MAPKAPK2: variants seen among roughly 807,000 people sequenced by gnomAD.
MAPKAPK2 encodes the protein MAP kinase-activated protein kinase 2.
In MAPKAPK2, 9 loss-of-function variants were observed where a neutral mutation model predicts 48.8. That is an observed-to-expected ratio of 0.18 (90% CI 0.11 to 0.32). The LOEUF is 0.32. Ranked by LOEUF, MAPKAPK2 falls within the 10% of genes least tolerant of loss-of-function variation. The pLI, the probability that MAPKAPK2 is intolerant of heterozygous loss-of-function variation, is 1.00. For synonymous variants in MAPKAPK2, 202 were observed against 190.6 expected (o/e 1.06, Z -0.49); for missense variants, 331 against 498.3 (o/e 0.66, Z 3.20).
rs1215968288 is a variant in MAPKAPK2, at chr1:206,732,337, TG to T, written c.1060-232del. On this transcript the variant is annotated intron_variant, in intron 9 of 9. Transcript: ENST00000367103. This position sits in a 1 kb window ranked among gnomAD's most constrained non-coding sequence, Gnocchi z 4.4. ...TCTTCCTCCTATCCTGCGGGATCAC[TG>T]GGGGGCTCTCAGGGAACAGCAGCAG... 2.1e-6 allele frequency: 3 copies of T among 1,443,394 alleles called. No individual in the cohort carries two copies. The highest frequency in any genetic ancestry group is 1.4e-5 in the African/African-American group (1 of 69,700). The allele number at this position is 1,443,394 out of a possible 1,614,324, so 89.4% of individuals were successfully genotyped here.
intron 1 of MAPKAPK2, among the ~76,000 whole-genome samples, chr1:206,687,093 G>A (rs1257360078): frequency 6.6e-6 from 1 of 152,184 alleles, no homozygotes; most frequent in African/African-American, 2.4e-5. Context: ...GTGACAGACG[G>A]TCTTTACAGG....
chr1:206,703,792 G>A (rs1453864946), intron 1 of MAPKAPK2, among the ~76,000 whole-genome samples: 1 of 152,224 alleles, frequency 6.6e-6, no homozygotes, highest in Non-Finnish European at 1.5e-5. Context: ...CCAGCCCCTT[G>A]AGGTACCCAG....
intron 1 of MAPKAPK2, among the ~76,000 whole-genome samples, chr1:206,717,911 T>C (rs1673385658): frequency 6.6e-6 from 1 of 152,126 alleles, no homozygotes; most frequent in Non-Finnish European, 1.5e-5. Flanking sequence ...TATTCCCCAG[T>C]AGTCAACACT....
At chr1:206,705,933 A>T (rs1210905547) in intron 1 of MAPKAPK2, among the ~76,000 whole-genome samples, 2 of 152,090 alleles carry the variant, frequency 1.3e-5, no homozygotes, top group Admixed American at 1.3e-4. Flanking sequence ...GGCTTAGGGA[A>T]TTCCCGGAGC....
At chr1:206,691,328 T>C (rs1553426205) in intron 1 of MAPKAPK2, among the ~76,000 whole-genome samples, 1 of 151,872 alleles carries the variant, frequency 6.6e-6, no homozygotes, top group East Asian at 1.9e-4. Flanking sequence ...GCTAGGATCT[T>C]TCCACATGGG....
chr1:206,728,937 C>A, intron 2 of MAPKAPK2, 88 bp downstream of exon 2: 1 of 1,611,784 alleles, frequency 6.2e-7, no homozygotes, highest in Non-Finnish European at 8.5e-7. Flanking sequence ...CAGGGATGGG[C>A]CTGAAGCCTG....
intron 1 of MAPKAPK2, among the ~76,000 whole-genome samples, chr1:206,723,284 T>C (rs1553431461): frequency 6.6e-6 from 1 of 152,106 alleles, no homozygotes; most frequent in African/African-American, 2.4e-5. Context: ...CCCCCCCCAG[T>C]GGGACTCCAA....
chr1:206,732,557 G>T lies in MAPKAPK2; in HGVS notation c.1060-18G>T. ...TCTGGCTCTCTCTGTACCCTTCCTG[G>T]TGCTGCCGTGCCCCCAGGAGGAGAT... On this transcript the variant is annotated intron_variant, in intron 9 of 9. Transcript: ENST00000367103. This position sits in a 1 kb window ranked among gnomAD's most constrained non-coding sequence, Gnocchi z 4.4. The T allele has an allele frequency of 6.2e-7, 1 of 1,613,236 alleles. No individual in the cohort carries two copies. The highest frequency in any genetic ancestry group is 8.5e-7 in the Non-Finnish European group (1 of 1,179,800).
At chr1:206,724,514 T>A (rs1419411224) in intron 1 of MAPKAPK2, among the ~76,000 whole-genome samples, 1 of 151,260 alleles carries the variant, frequency 6.6e-6, no homozygotes, top group Non-Finnish European at 1.5e-5. Context: ...GGATTTCTGA[T>A]AAACATGTGC....
intron 1 of MAPKAPK2, among the ~76,000 whole-genome samples, chr1:206,685,949 T>C (rs1672275398): frequency 6.6e-6 from 1 of 152,158 alleles, no homozygotes; most frequent in African/African-American, 2.4e-5. Context: ...TCGGTTGGTT[T>C]GGAGAAGTCG....
chr1:206,707,042 G>C (rs1322889163), intron 1 of MAPKAPK2, among the ~76,000 whole-genome samples: 3 of 152,120 alleles, frequency 2.0e-5, no homozygotes, highest in Non-Finnish European at 4.4e-5. Context: ...AGGAGGGAAC[G>C]GCACTGCAGC....
chr1:206,701,763 G>A (rs1276908272), intron 1 of MAPKAPK2, among the ~76,000 whole-genome samples: 10 of 149,220 alleles, frequency 6.7e-5, no homozygotes, highest in Admixed American at 5.5e-4. Context: ...GAGCCTGGGA[G>A]GCCAAGGCTG....
intron 1 of MAPKAPK2, among the ~76,000 whole-genome samples, chr1:206,719,231 C>G (rs1304127922): frequency 2.6e-5 from 4 of 152,156 alleles, no homozygotes; most frequent in Non-Finnish European, 5.9e-5. Context: ...GATTTTTAGG[C>G]CTCTTGACTT....
At position 206,732,777 on chromosome 1, in the gene MAPKAPK2, T is replaced by C. The variant is rs543569251; in HGVS notation, c.*59T>C. ...CAATAACTCTCTACAGGAATATATT[T>C]TTTAAACGAAGAGACAGAACTGTCC... On this transcript the variant is annotated 3_prime_UTR_variant, in exon 10 of 10. Coordinates refer to ENST00000367103, the MANE Select transcript of MAPKAPK2 (RefSeq NM_032960.4). The surrounding 1 kb of genome is among the most constrained non-coding windows in gnomAD (Gnocchi z 4.4). 6.3e-6 allele frequency: 10 copies of C among 1,588,614 alleles called. No homozygotes were observed. The East Asian group carries it at 2.0e-4, about 32-fold the overall frequency.
intron 1 of MAPKAPK2, among the ~76,000 whole-genome samples, chr1:206,701,623 C>T (rs1007791982): frequency 9.9e-5 from 15 of 151,932 alleles, no homozygotes; most frequent in African/African-American, 3.6e-4. Flanking sequence ...TGCTTGAGCC[C>T]AGGAGTTCGA....
intron 1 of MAPKAPK2, among the ~76,000 whole-genome samples, chr1:206,719,043 T>G (rs1013568967): frequency 6.6e-6 from 1 of 152,246 alleles, no homozygotes; most frequent in Non-Finnish European, 1.5e-5. Flanking sequence ...CTCTTTGAGC[T>G]ACACTGAGTG....
At position 206,694,590 on chromosome 1, in the gene MAPKAPK2, C is replaced by T. The variant is rs797038339; in HGVS notation, c.279+9082C>T. ...GTAGGATTCTAAAGGCCAGGCTTCA[C>T]GGGAGCTGGAGAAGGCTAGCTTCTC... On this transcript the variant is annotated intron_variant, in intron 1 of 9. Coordinates refer to ENST00000367103, the MANE Select transcript of MAPKAPK2 (RefSeq NM_032960.4). Among the ~76,000 whole-genome samples the T allele has an allele frequency of 7.2e-5, 11 of 152,314 alleles. 1 individual carries two copies. The highest frequency in any genetic ancestry group is 1.7e-4 in the African/African-American group (7 of 41,566).
At chr1:206,712,626 T>C (rs910224131) in intron 1 of MAPKAPK2, among the ~76,000 whole-genome samples, 1 of 150,420 alleles carries the variant, frequency 6.6e-6, no homozygotes, top group African/African-American at 2.5e-5. Context: ...ATAAGCTTAC[T>C]GCCTACTATG....
chr1:206,705,254 A>G (rs1003515204), intron 1 of MAPKAPK2, among the ~76,000 whole-genome samples: 3 of 152,136 alleles, frequency 2.0e-5, no homozygotes, highest in African/African-American at 7.2e-5. Flanking sequence ...GGTGTGGCAG[A>G]GGAGGGGCCC....
Sources: gnomAD v4.1 joint callset for allele counts (sites outside exome capture counted in the v4.1 genomes callset) on GRCh38, gnomAD v4.1.1 for gene constraint, Gnocchi (gnomAD v3.1) non-coding constraint, MANE v1.5 for transcripts, NCBI Gene and HGNC (gene_info 2026-07-23, HGNC 2026-07-21) for gene names.